FAAH2: variants seen among roughly 807,000 people sequenced by gnomAD.
FAAH2 encodes the protein fatty acid amide hydrolase 2, also known as fatty-acid amide hydrolase 2.
In FAAH2, 60 loss-of-function variants were observed where a neutral mutation model predicts 36.9. The ratio of observed to expected loss-of-function variants is 1.63; its 90% CI spans 1.32 to 2.02. The LOEUF is 2.02. FAAH2 is among the 30% of genes most tolerant of loss of function. The pLI, the probability that FAAH2 is intolerant of heterozygous loss-of-function variation, is 0.00. For synonymous variants in FAAH2, 214 were observed against 143.8 expected, an observed-to-expected ratio of 1.49 and a Z score of -3.49; for missense variants, 689 against 397.5, an observed-to-expected ratio of 1.73 and a Z score of -6.23.
chrX:57,466,200 C>G (rs978243945), intron 10 of FAAH2, among the ~76,000 whole-genome samples: 118 of 87,258 alleles, frequency 1.4e-3, no homozygotes, highest in Non-Finnish European at 2.3e-3. Context: ...ACATAGTATA[C>G]ATAACTATAA....
chrX:57,285,787 T>A (rs2051801544), upstream of FAAH2, among the ~76,000 whole-genome samples: 1 of 111,911 alleles, frequency 8.9e-6, no homozygotes, highest in Admixed American at 9.5e-5. Context: ...GGGTCTTGAA[T>A]CTGTGGAAAA....
the FAAH2 span, among the ~76,000 whole-genome samples, chrX:57,233,361 T>G: frequency 2.7e-5 from 3 of 112,086 alleles, no homozygotes; most frequent in Non-Finnish European, 5.6e-5. Flanking sequence ...ATTCAACTTC[T>G]ACCTTATTTA....
chrX:57,428,592 A>T (rs960294316), intron 7 of FAAH2, among the ~76,000 whole-genome samples: 1 of 112,066 alleles, frequency 8.9e-6, no homozygotes, highest in Admixed American at 9.5e-5. Flanking sequence ...AAGCCACATA[A>T]CTACAGCCAA....
intron 7 of FAAH2, among the ~76,000 whole-genome samples, chrX:57,384,693 G>A (rs1480782055): frequency 5.4e-5 from 6 of 111,278 alleles, no homozygotes; most frequent in African/African-American, 1.6e-4. Flanking sequence ...TGGAGAGGAT[G>A]TGGAGAAATA....
At chrX:57,162,551 T>C in the FAAH2 span, among the ~76,000 whole-genome samples, 1 of 111,634 alleles carries the variant, frequency 9.0e-6, no homozygotes, top group African/African-American at 3.3e-5. Flanking sequence ...TTGGAGGCTT[T>C]GCTCATTTCT....
intron 7 of FAAH2, among the ~76,000 whole-genome samples, chrX:57,386,516 A>T: frequency 9.0e-6 from 1 of 111,498 alleles, no homozygotes; most frequent in African/African-American, 3.2e-5. Flanking sequence ...AAGTGAATGG[A>T]AGTAAATTAC....
At chrX:57,202,796 T>C in the FAAH2 span, among the ~76,000 whole-genome samples, 1 of 111,910 alleles carries the variant, frequency 8.9e-6, no homozygotes, top group Non-Finnish European at 1.9e-5. Flanking sequence ...CTAAAAATTC[T>C]GGAAGTCTGC....
chrX:57,322,614 C>T (rs1038625686), intron 3 of FAAH2, among the ~76,000 whole-genome samples: 6 of 111,059 alleles, frequency 5.4e-5, no homozygotes, highest in Non-Finnish European at 1.1e-4. Context: ...CCTTCTTTCT[C>T]TTTTTCTTTT....
intron 2 of FAAH2, among the ~76,000 whole-genome samples, chrX:57,299,072 GA>G (rs1371611829): frequency 6.3e-5 from 7 of 111,383 alleles, no homozygotes; most frequent in Admixed American, 2.9e-4. Flanking sequence ...CCAATCAATA[GA>G]AAAATAGGGA....
rs1160730394 is a variant in FAAH2 at position 57,459,153 on chromosome X, T to C, written c.1423+10435T>C. ...ATCTAGCTTGGTGGGGGGAGGGGCA[T>C]CCGCCATTACTGAGGCTTGACTAGG... On this transcript the variant is annotated intron_variant, in intron 10 of 10. Coordinates refer to ENST00000374900, the MANE Select transcript of FAAH2 (RefSeq NM_174912.4). 5.3e-5 allele frequency among the ~76,000 whole-genome samples: 6 copies of C among 112,157 alleles called. No individual in the cohort carries two copies. The Admixed American group carries it at 5.6e-4, about 11-fold the overall frequency.
At chrX:57,216,701 T>G in the FAAH2 span, among the ~76,000 whole-genome samples, 1 of 96,405 alleles carries the variant, frequency 1.0e-5, no homozygotes, top group South Asian at 5.1e-4. Context: ...GGTTGCACGA[T>G]TTTGCAATTG....
chrX:57,485,691 A>T (rs2057461629), intron 10 of FAAH2, among the ~76,000 whole-genome samples: 1 of 111,943 alleles, frequency 8.9e-6, no homozygotes, highest in African/African-American at 3.2e-5. Context: ...AACATTCCTT[A>T]ACTACTTCTG....
chrX:57,263,940 G>A, the FAAH2 span, among the ~76,000 whole-genome samples: 22 of 111,504 alleles, frequency 2.0e-4, no homozygotes, highest in Non-Finnish European at 3.4e-4. Flanking sequence ...GCAATTCAAT[G>A]GAGAAAAGAG....
chrX:57,187,690 T>A, the FAAH2 span, among the ~76,000 whole-genome samples: 4 of 111,558 alleles, frequency 3.6e-5, no homozygotes, highest in Non-Finnish European at 7.5e-5. Flanking sequence ...CAGTGTGATA[T>A]TGGCCATGGG....
At chrX:57,472,712 G>A (rs1235913514) in intron 10 of FAAH2, among the ~76,000 whole-genome samples, 2 of 110,465 alleles carry the variant, frequency 1.8e-5, no homozygotes, top group African/African-American at 6.6e-5. Flanking sequence ...CTTGTTTGTG[G>A]TCTGTTCAGG....
the FAAH2 span, among the ~76,000 whole-genome samples, chrX:57,124,930 T>C: frequency 8.9e-6 from 1 of 112,327 alleles, no homozygotes; most frequent in Non-Finnish European, 1.9e-5. Flanking sequence ...TTTCTAGATA[T>C]ACAATCATGT....
rs371274542 is a variant in FAAH2 at position 57,432,064 on chromosome X, T to A, written c.1116+27T>A. On this transcript the variant is annotated intron_variant, in intron 8 of 10. Coordinates refer to ENST00000374900, the MANE Select transcript of FAAH2 (RefSeq NM_174912.4). Reference sequence around the variant, plus strand: ...TATTTTTACCTCTTTCTTTACTTACTTTTTTCTTTGTGTAAACATTTATTG... The same window carrying A: ...TATTTTTACCTCTTTCTTTACTTACATTTTTCTTTGTGTAAACATTTATTG... 90 of 1,163,661 alleles carry A rather than the reference T, an allele frequency of 7.7e-5. No homozygotes were observed. The African/African-American group carries it at 1.4e-3, about 19-fold the overall frequency.
chrX:57,271,104 A>G, the FAAH2 span, among the ~76,000 whole-genome samples: 1 of 112,529 alleles, frequency 8.9e-6, no homozygotes, highest in Non-Finnish European at 1.9e-5. Flanking sequence ...CAGTCAGCAC[A>G]GCAGCAATCT....
chrX:57,256,554 C>A, the FAAH2 span, among the ~76,000 whole-genome samples: 325 of 111,164 alleles, frequency 2.9e-3, 1 homozygote, highest in Non-Finnish European at 4.6e-3. Flanking sequence ...TCAAGATGGA[C>A]CAAAGACTTA....
Sources: gnomAD v4.1 joint callset for allele counts (sites outside exome capture counted in the v4.1 genomes callset) on GRCh38, gnomAD v4.1.1 for gene constraint, MANE v1.5 for transcripts, NCBI Gene and HGNC (gene_info 2026-07-23, HGNC 2026-07-21) for gene names.